The following GRIN2B variants were observed in gnomAD, a reference collection of about 807,000 sequenced individuals.
GRIN2B encodes glutamate ionotropic receptor NMDA type subunit 2B, also known as glutamate receptor ionotropic, NMDA 2B.
In GRIN2B, 5 loss-of-function variants were observed where a neutral mutation model predicts 114.5. That is an observed-to-expected ratio of 0.04 (90% CI 0.02 to 0.09). GRIN2B has a LOEUF of 0.09. Among genes scored for constraint, GRIN2B ranks in the 10% least tolerant of loss-of-function variants. GRIN2B has a pLI of 1.00. For synonymous variants in GRIN2B, 787 were observed against 745.1 expected (o/e 1.06, Z -0.92); for missense variants, 1,108 against 1,943.5 (o/e 0.57, Z 8.08).
chr12:13,959,349 A>G (rs1220341926), intron 2 of GRIN2B, among the ~76,000 whole-genome samples: 3 of 152,168 alleles, frequency 2.0e-5, no homozygotes, highest in Non-Finnish European at 2.9e-5. Flanking sequence ...TGGGGCCCGC[A>G]GGGAGAGGGA....
intron 3 of GRIN2B, among the ~76,000 whole-genome samples, chr12:13,799,855 G>GAACCTGCT (rs1368724477): frequency 6.6e-6 from 1 of 152,072 alleles, no homozygotes; most frequent in Non-Finnish European, 1.5e-5. Context: ...TGCATCAGGA[G>GAACCTGCT]AACCTGCTAG....
At chr12:13,766,311 A>G (rs1863787724) in intron 3 of GRIN2B, among the ~76,000 whole-genome samples, 1 of 152,234 alleles carries the variant, frequency 6.6e-6, no homozygotes, top group African/African-American at 2.4e-5. Flanking sequence ...TATCCTAAGA[A>G]TGGTGAGAAG....
intron 4 of GRIN2B, among the ~76,000 whole-genome samples, chr12:13,698,191 T>C (rs1255888519): frequency 2.6e-5 from 4 of 152,254 alleles, no homozygotes; most frequent in Admixed American, 2.0e-4. Flanking sequence ...TGCTGTTCTA[T>C]ACTGATGCAA....
intron 4 of GRIN2B, among the ~76,000 whole-genome samples, chr12:13,677,289 C>A (rs1430276577): frequency 6.6e-6 from 1 of 152,146 alleles, no homozygotes; most frequent in Non-Finnish European, 1.5e-5. Flanking sequence ...CTTTTTTTAA[C>A]TCCTCTCATT....
At chr12:13,805,783 A>T (rs910315241) in intron 3 of GRIN2B, among the ~76,000 whole-genome samples, 1 of 152,146 alleles carries the variant, frequency 6.6e-6, no homozygotes, top group Non-Finnish European at 1.5e-5. Flanking sequence ...TCAAGTATAT[A>T]ATACATTGTT....
intron 3 of GRIN2B, among the ~76,000 whole-genome samples, chr12:13,765,382 G>A (rs1863762256): frequency 6.6e-6 from 1 of 152,206 alleles, no homozygotes; most frequent in Non-Finnish European, 1.5e-5. Context: ...GGTGAGTCCA[G>A]AAACCTGACT....
At chr12:13,847,636 G>A (rs1006226939) in intron 3 of GRIN2B, among the ~76,000 whole-genome samples, 15 of 152,116 alleles carry the variant, frequency 9.9e-5, no homozygotes, top group African/African-American at 3.6e-4. Flanking sequence ...CAAGGTGGGA[G>A]AAGGGCAGAG....
At chr12:13,695,140 C>T (rs1452564498) in intron 4 of GRIN2B, among the ~76,000 whole-genome samples, 1 of 152,124 alleles carries the variant, frequency 6.6e-6, no homozygotes, top group Admixed American at 6.5e-5. Context: ...TGAAAGAAGT[C>T]TTTGTCAAGA....
intron 3 of GRIN2B, among the ~76,000 whole-genome samples, chr12:13,796,164 C>T (rs151316179): frequency 2.9e-4 from 44 of 151,534 alleles, no homozygotes; most frequent in African/African-American, 9.7e-4. Context: ...ATGGAACATC[C>T]GTTTCTGATA....
chr12:13,855,942 C>G (rs183568205), intron 3 of GRIN2B, among the ~76,000 whole-genome samples: 2 of 152,144 alleles, frequency 1.3e-5, no homozygotes, highest in Non-Finnish European at 2.9e-5. Context: ...GCTAGGAAGA[C>G]GAAATTACTA....
chr12:13,898,991 G>C (rs1367089750), intron 2 of GRIN2B, among the ~76,000 whole-genome samples: 1 of 152,158 alleles, frequency 6.6e-6, no homozygotes, highest in Admixed American at 6.5e-5. Context: ...ATTATGTTTT[G>C]TCAGATACTG....
At chr12:13,689,430 C>A (rs1452577012) in intron 4 of GRIN2B, among the ~76,000 whole-genome samples, 1 of 152,108 alleles carries the variant, frequency 6.6e-6, no homozygotes, top group Non-Finnish European at 1.5e-5. Context: ...CAACATTTTT[C>A]TTTTAATTTC....
At chr12:13,891,000 C>G (rs1376391933) in intron 2 of GRIN2B, among the ~76,000 whole-genome samples, 1 of 152,280 alleles carries the variant, frequency 6.6e-6, no homozygotes, top group East Asian at 1.9e-4. Context: ...GCCAAGCCAG[C>G]CAATCTCCGC....
At chr12:13,859,196 G>T (rs1028000824) in intron 3 of GRIN2B, among the ~76,000 whole-genome samples, 2 of 152,150 alleles carry the variant, frequency 1.3e-5, no homozygotes, top group African/African-American at 4.8e-5. Context: ...AATGAATAGA[G>T]CTCAAGCCCA....
At chr12:13,660,412 CAG>C (rs1387426358) in intron 5 of GRIN2B, among the ~76,000 whole-genome samples, 3 of 152,294 alleles carry the variant, frequency 2.0e-5, no homozygotes, top group Non-Finnish European at 4.4e-5. Context: ...GCACCCAGCA[CAG>C]AGTCCTTCAT....
intron 2 of GRIN2B, among the ~76,000 whole-genome samples, chr12:13,960,990 C>A (rs531381571): frequency 6.6e-6 from 1 of 152,188 alleles, no homozygotes; most frequent in African/African-American, 2.4e-5. Context: ...GCTCAGAGAG[C>A]CCATGTTTTG....
intron 10 of GRIN2B, among the ~76,000 whole-genome samples, chr12:13,598,908 G>A (rs1949112358): frequency 2.0e-5 from 3 of 152,324 alleles, no homozygotes; most frequent in African/African-American, 7.2e-5. Flanking sequence ...GCTTTTTAAA[G>A]TGAGGACCCG....
intron 5 of GRIN2B, 56 bp downstream of exon 5, chr12:13,675,689 C>T (rs551691827): frequency 2.7e-6 from 3 of 1,111,154 alleles, no homozygotes; most frequent in Admixed American, 3.4e-5. Flanking sequence ...CATTGTGTTG[C>T]AAAATTTCAC....
At position 13,550,145 on chromosome 12, in the gene GRIN2B, A is replaced by C. The variant is rs1948392132; in HGVS notation, c.*12638T>G. 1 of 152,202 alleles carries C rather than the reference A, an allele frequency of 6.6e-6. No individual in the cohort carries two copies. The highest frequency in any genetic ancestry group is 1.5e-5 in the Non-Finnish European group (1 of 68,022). The allele number at this position is 152,202 out of a possible 1,614,324, so 9.4% of individuals were successfully genotyped here. A position where few individuals can be genotyped will look rare whatever the true frequency, so the allele number is the denominator to read the frequency against. On this transcript the variant is annotated 3_prime_UTR_variant, in exon 14 of 14. Transcript: ENST00000609686. ...ATCTGTAAAACTGAAAGATGATCTT[A>C]TTTCCAAGTCAAAGGAGGTTATTTG...
Sources: gnomAD v4.1 joint callset for allele counts (sites outside exome capture counted in the v4.1 genomes callset) on GRCh38, gnomAD v4.1.1 for gene constraint, MANE v1.5 for transcripts, NCBI Gene and HGNC (gene_info 2026-07-23, HGNC 2026-07-21) for gene names.